TENM3: variants seen among roughly 807,000 people sequenced by gnomAD.
TENM3 encodes the protein teneurin transmembrane protein 3.
TENM3 carries 63 observed loss-of-function variants against 255.1 expected under a neutral mutation model. That is an observed-to-expected ratio of 0.25 (90% confidence interval 0.20 to 0.30). The LOEUF (loss-of-function observed/expected upper bound fraction) is 0.30. Ranked by LOEUF, TENM3 falls within the 10% of genes least tolerant of loss-of-function variation. TENM3 has a pLI of 1.00. For missense variants in TENM3, 2,929 were observed against 3,461.1 expected (o/e 0.85, Z 3.86); for synonymous variants, 1,306 against 1,322.3 (o/e 0.99, Z 0.27).
At chr4:181,584,234 A>G in the TENM3 span, among the ~76,000 whole-genome samples, 715 of 152,324 alleles carry the variant, frequency 4.7e-3, 9 homozygotes, top group African/African-American at 0.016. Flanking sequence ...GGGAAAGAAG[A>G]GAGTGGCCCT....
At chr4:182,564,583 T>G (rs1198346608) in intron 3 of TENM3, among the ~76,000 whole-genome samples, 2 of 42,532 alleles carry the variant, frequency 4.7e-5, no homozygotes, top group South Asian at 7.5e-4. Flanking sequence ...TTTGTTTTGT[T>G]TTTTTTTTTT....
At chr4:181,810,474 G>T in the TENM3 span, among the ~76,000 whole-genome samples, 1 of 151,860 alleles carries the variant, frequency 6.6e-6, no homozygotes, top group East Asian at 1.9e-4. Flanking sequence ...CTGAATTTCT[G>T]CTTGGGGGGT....
the TENM3 span, among the ~76,000 whole-genome samples, chr4:181,621,403 AT>A: frequency 6.6e-6 from 1 of 152,224 alleles, no homozygotes; most frequent in Non-Finnish European, 1.5e-5. Flanking sequence ...GATTTATTAC[AT>A]AGAAGAGCAA....
At chr4:182,363,435 G>T (rs1766179791) in intron 3 of TENM3, among the ~76,000 whole-genome samples, 1 of 151,468 alleles carries the variant, frequency 6.6e-6, no homozygotes, top group Non-Finnish European at 1.5e-5. Context: ...ACATATATAT[G>T]CATGTTTATA....
At chr4:182,708,925 G>A (rs1247602744) in intron 12 of TENM3, among the ~76,000 whole-genome samples, 1 of 152,112 alleles carries the variant, frequency 6.6e-6, no homozygotes, top group Non-Finnish European at 1.5e-5. Context: ...TGAAACTCCA[G>A]GGAAAGTATT....
At chr4:182,203,109 C>T (rs960243706) in intron 1 of TENM3, among the ~76,000 whole-genome samples, 1 of 151,562 alleles carries the variant, frequency 6.6e-6, no homozygotes, top group African/African-American at 2.4e-5. Context: ...CCCAGCTATT[C>T]GGGAGGCTGA....
At chr4:182,362,743 C>T (rs1266961006) in intron 3 of TENM3, among the ~76,000 whole-genome samples, 1 of 152,174 alleles carries the variant, frequency 6.6e-6, no homozygotes, top group African/African-American at 2.4e-5. Flanking sequence ...CCTGCGCCCA[C>T]TGTCTGGCAC....
chr4:181,874,721 A>G, the TENM3 span, among the ~76,000 whole-genome samples: 3 of 152,132 alleles, frequency 2.0e-5, no homozygotes, highest in African/African-American at 7.2e-5. Flanking sequence ...ACCCTGTACC[A>G]TCCTCCTTTC....
the TENM3 span, among the ~76,000 whole-genome samples, chr4:181,842,879 G>A: frequency 1.3e-5 from 2 of 152,158 alleles, no homozygotes; most frequent in Admixed American, 6.5e-5. Flanking sequence ...TGATAATTCA[G>A]AAGAAGCTCA....
At chr4:182,206,795 G>C (rs903799849) in intron 1 of TENM3, among the ~76,000 whole-genome samples, 1 of 152,150 alleles carries the variant, frequency 6.6e-6, no homozygotes, top group African/African-American at 2.4e-5. Context: ...AAGTTACTGA[G>C]TATTCATCTG....
chr4:181,854,893 C>G, the TENM3 span, among the ~76,000 whole-genome samples: 1 of 152,096 alleles, frequency 6.6e-6, no homozygotes, highest in African/African-American at 2.4e-5. Flanking sequence ...ACAGAGTACG[C>G]GTTAGCTAGC....
At chr4:182,731,216 GT>G in intron 16 of TENM3, 77 bp downstream of exon 16, 1 of 1,485,908 alleles carries the variant, frequency 6.7e-7, no homozygotes, top group Non-Finnish European at 9.2e-7. Flanking sequence ...TTAAAAATAG[GT>G]TATAGAGTCC....
At chr4:182,156,977 G>A (rs979237249) in intron 1 of TENM3, among the ~76,000 whole-genome samples, 1 of 152,190 alleles carries the variant, frequency 6.6e-6, no homozygotes, top group African/African-American at 2.4e-5. Flanking sequence ...AAGAAAGCCA[G>A]GAGAGGTAAT....
chr4:181,475,777 A>T, the TENM3 span, among the ~76,000 whole-genome samples: 1 of 152,264 alleles, frequency 6.6e-6, no homozygotes, highest in African/African-American at 2.4e-5. Context: ...CTTAAAAAGT[A>T]GTAAGTGCTG....
At chr4:182,091,313 T>C in the TENM3 span, among the ~76,000 whole-genome samples, 4 of 152,088 alleles carry the variant, frequency 2.6e-5, no homozygotes, top group Non-Finnish European at 5.9e-5. Context: ...GGGATTTGAA[T>C]TGAAGAAATT....
At chr4:182,473,489 C>T (rs1483098518) in intron 3 of TENM3, among the ~76,000 whole-genome samples, 2 of 152,050 alleles carry the variant, frequency 1.3e-5, no homozygotes, top group Non-Finnish European at 2.9e-5. Context: ...CTGGCTAACA[C>T]AGTGAAACCC....
At chr4:181,517,549 AAAAACTTCTCTT>A in the TENM3 span, among the ~76,000 whole-genome samples, 1 of 152,356 alleles carries the variant, frequency 6.6e-6, no homozygotes, top group South Asian at 2.1e-4. Context: ...GGATATTAAC[AAAAACTTCTCTT>A]CGCACACACA....
chr4:181,619,358 G>A, the TENM3 span, among the ~76,000 whole-genome samples: 1 of 152,010 alleles, frequency 6.6e-6, no homozygotes, highest in Admixed American at 6.6e-5. Flanking sequence ...ATAATCCATG[G>A]CTAATTTTTA....
At chr4:181,974,112 T>C in the TENM3 span, among the ~76,000 whole-genome samples, 1 of 152,216 alleles carries the variant, frequency 6.6e-6, no homozygotes, top group African/African-American at 2.4e-5. Flanking sequence ...CAGTAGAGAC[T>C]GCTCATTCAA....
Sources: allele counts gnomAD v4.1 joint callset (sites outside exome capture counted in the v4.1 genomes callset), GRCh38; gene constraint gnomAD v4.1.1; transcripts MANE v1.5; gene names NCBI Gene and HGNC (gene_info 2026-07-23, HGNC 2026-07-21).